The following CSMD3 variants were observed in gnomAD, a reference collection of about 807,000 sequenced individuals.
CSMD3 encodes CUB and Sushi multiple domains 3, also known as CUB and sushi domain-containing protein 3.
In CSMD3, 177 loss-of-function variants were observed where a neutral mutation model predicts 435.2. The ratio of observed to expected loss-of-function variants is 0.41; its 90% CI spans 0.36 to 0.46. CSMD3 has a LOEUF of 0.46. Ranked by LOEUF, CSMD3 falls within the 20% of genes least tolerant of loss-of-function variation. The pLI is 0.34. For synonymous variants in CSMD3, 1,656 were observed against 1,520.5 expected (o/e 1.09, Z -2.07); for missense variants, 4,265 against 4,504.6 (o/e 0.95, Z 1.52).
chr8:112,895,415 C>A (rs1001322878), intron 10 of CSMD3, among the ~76,000 whole-genome samples: 2 of 150,854 alleles, frequency 1.3e-5, no homozygotes, highest in East Asian at 3.9e-4. Flanking sequence ...AAGAGGAAAG[C>A]CCAAAGCAAA....
chr8:113,292,012 G>A (rs1414808425), intron 2 of CSMD3, among the ~76,000 whole-genome samples: 2 of 151,718 alleles, frequency 1.3e-5, no homozygotes, highest in Non-Finnish European at 2.9e-5. Flanking sequence ...TATCCACTAG[G>A]TTTAGGAATT....
intron 1 of CSMD3, among the ~76,000 whole-genome samples, chr8:113,399,826 T>A (rs908219270): frequency 1.9e-4 from 29 of 151,980 alleles, no homozygotes; most frequent in African/African-American, 6.8e-4. Flanking sequence ...TGAATTATAC[T>A]TTAATCTGTT....
At chr8:112,289,658 G>C in intron 56 of CSMD3, 120 bp from the exon 57 acceptor site, 1 of 648,910 alleles carries the variant, frequency 1.5e-6, no homozygotes, top group South Asian at 2.3e-5. Flanking sequence ...AAAGCCTCCA[G>C]AAATCAAACA....
chr8:113,133,545 G>T (rs756007306), intron 4 of CSMD3, among the ~76,000 whole-genome samples: 11 of 152,052 alleles, frequency 7.2e-5, no homozygotes, highest in Non-Finnish European at 1.2e-4. Flanking sequence ...ATTAAAAATA[G>T]AACTACCATA....
chr8:112,486,871 G>A (rs1480467483), intron 31 of CSMD3, among the ~76,000 whole-genome samples: 3 of 152,092 alleles, frequency 2.0e-5, no homozygotes, highest in Admixed American at 2.0e-4. Flanking sequence ...TTGAATTCAT[G>A]TTGTTATCCC....
chr8:112,799,004 C>T (rs577930793), intron 13 of CSMD3, among the ~76,000 whole-genome samples: 21 of 151,094 alleles, frequency 1.4e-4, no homozygotes, highest in African/African-American at 4.6e-4. Context: ...TACAAGTTGC[C>T]GGAAAAAAAA....
chr8:113,185,947 C>T (rs1033978934), intron 3 of CSMD3, among the ~76,000 whole-genome samples: 5 of 151,990 alleles, frequency 3.3e-5, no homozygotes, highest in Middle Eastern at 3.2e-3. Context: ...AGGGAATCTG[C>T]CCCGTATCTG....
At chr8:112,466,483 A>T (rs757697555) in intron 32 of CSMD3, among the ~76,000 whole-genome samples, 14 of 152,190 alleles carry the variant, frequency 9.2e-5, no homozygotes, top group Non-Finnish European at 2.1e-4. Context: ...ATATACACAA[A>T]ATGAACTGCT....
At position 113,018,832 on chromosome 8, in the gene CSMD3, T is replaced by C. The variant is rs140133320; in HGVS notation, c.1030+235A>G. 536 of 524,836 alleles carry C rather than the reference T, an allele frequency of 1.0e-3. 1 individual carries two copies. Among genetic ancestry groups the C allele is most frequent in the African/African-American group, 8.3e-3 (437 of 52,496 alleles). The allele number at this position is 524,836 out of a possible 1,614,324, so 32.5% of individuals were successfully genotyped here. On this transcript the variant is annotated intron_variant, in intron 6 of 70. Transcript: ENST00000297405. ...GAAAAATATTGCATCTGCTACATACTACCTTTTAGAAATCATAATATTCAT... is the reference window on the plus strand; with the variant it reads ...GAAAAATATTGCATCTGCTACATACCACCTTTTAGAAATCATAATATTCAT...
At chr8:112,586,964 CTATA>C (rs1830779497) in intron 23 of CSMD3, 98 bp downstream of exon 23, 1 of 736,956 alleles carries the variant, frequency 1.4e-6, no homozygotes, top group Non-Finnish European at 2.3e-6. Context: ...ACGGTTAATA[CTATA>C]TACATACACA....
At chr8:112,884,911 C>A (rs763987391) in intron 10 of CSMD3, among the ~76,000 whole-genome samples, 3 of 151,078 alleles carry the variant, frequency 2.0e-5, no homozygotes, top group Non-Finnish European at 4.4e-5. Flanking sequence ...TTTCCAGGAC[C>A]TTCTTATCAT....
At position 112,311,150 on chromosome 8, in the gene CSMD3, T is replaced by G. The variant is rs751714942; in HGVS notation, c.7713A>C (p.Thr2571=). The G allele has an allele frequency of 1.9e-6, 3 of 1,613,736 alleles. No individual in the cohort carries two copies. The highest frequency in any genetic ancestry group is 3.3e-5 in the Admixed American group (2 of 59,958). Residue 2571 remains threonine (T), a synonymous_variant, in exon 50 of 71, where the codon ACA becomes ACC. Transcript: ENST00000297405. ...TATATCCATGAGGTGGGGATTCTGG[T>G]GTACTACAGTAGAAAGCTTTTCAAA... The part of the protein sequence containing the change: ...RIRYIAFYCS[T]PESPPHGYII...
intron 31 of CSMD3, among the ~76,000 whole-genome samples, chr8:112,474,185 T>G (rs1027955133): frequency 6.6e-6 from 1 of 152,046 alleles, no homozygotes; most frequent in Non-Finnish European, 1.5e-5. Context: ...TTTAAAGAGT[T>G]ACAAACAAAA....
chr8:112,453,854 T>C (rs1226320244), intron 32 of CSMD3, among the ~76,000 whole-genome samples: 1 of 152,144 alleles, frequency 6.6e-6, no homozygotes, highest in Non-Finnish European at 1.5e-5. Flanking sequence ...ATTACCCGAC[T>C]TCAAACTCTC....
intron 42 of CSMD3, among the ~76,000 whole-genome samples, chr8:112,338,887 T>C (rs1007212116): frequency 6.6e-6 from 1 of 152,132 alleles, no homozygotes; most frequent in East Asian, 1.9e-4. Context: ...ACCCTTTCAA[T>C]TTCTACTCCA....
chr8:113,330,417 A>G (rs1554612615), intron 1 of CSMD3, among the ~76,000 whole-genome samples: 1 of 152,052 alleles, frequency 6.6e-6, no homozygotes, highest in Non-Finnish European at 1.5e-5. Context: ...TATAAGGCGT[A>G]CAGCAAACAA....
At chr8:112,957,625 A>G (rs1271509602) in intron 7 of CSMD3, among the ~76,000 whole-genome samples, 1 of 151,376 alleles carries the variant, frequency 6.6e-6, no homozygotes, top group Non-Finnish European at 1.5e-5. Context: ...TAATTTTCGT[A>G]GTTATAATAG....
chr8:113,057,573 C>T (rs947276229), intron 5 of CSMD3, among the ~76,000 whole-genome samples: 6 of 151,922 alleles, frequency 3.9e-5, no homozygotes, highest in Non-Finnish European at 7.4e-5. Context: ...ATATTATTAT[C>T]ACTCACCATT....
chr8:113,089,484 G>A (rs368706475), intron 5 of CSMD3, among the ~76,000 whole-genome samples: 6 of 151,924 alleles, frequency 3.9e-5, no homozygotes, highest in African/African-American at 1.4e-4. Flanking sequence ...ATAATGACAC[G>A]TCATCTTCTA....
Sources: gnomAD v4.1 joint callset for allele counts (sites outside exome capture counted in the v4.1 genomes callset) on GRCh38, gnomAD v4.1.1 for gene constraint, MANE v1.5 for transcripts, NCBI Gene and HGNC (gene_info 2026-07-23, HGNC 2026-07-21) for gene names.